SPECC1: variants seen among roughly 807,000 people sequenced by gnomAD.
SPECC1 encodes cytospin-B.
A neutral mutation model predicts 104.1 loss-of-function variants in SPECC1; 62 were observed. The observed-to-expected ratio is 0.60, with a 90% confidence interval of 0.49 to 0.74. The LOEUF is 0.74. Ranked by LOEUF, SPECC1 falls within the 30% of genes least tolerant of loss-of-function variation. The pLI, the probability that SPECC1 is intolerant of heterozygous loss-of-function variation, is 0.00. For synonymous variants in SPECC1, 513 were observed against 501.6 expected (o/e 1.02, Z -0.30); for missense variants, 1,306 against 1,310.5 (o/e 1.00, Z 0.05).
intron 1 of SPECC1, among the ~76,000 whole-genome samples, chr17:20,049,641 T>G (rs2045665128): frequency 6.6e-6 from 1 of 152,164 alleles, no homozygotes; most frequent in Non-Finnish European, 1.5e-5. Context: ...TATTTAGCTG[T>G]GTTTGTGCTA....
intron 3 of SPECC1, among the ~76,000 whole-genome samples, chr17:20,156,431 G>T (rs1028447284): frequency 6.6e-6 from 1 of 152,194 alleles, no homozygotes; most frequent in African/African-American, 2.4e-5. Flanking sequence ...ACCAGAAAAC[G>T]CTGCTCGTCC....
Position 20,205,083 on chromosome 17 carries a change from C to T in SPECC1, c.1034C>T (p.Ser345Phe). Residue 345 changes from serine to phenylalanine, a missense_variant, in exon 4 of 15, where the codon TCC becomes TTC. By Grantham distance (155) the Ser-to-Phe change is radical. Around this residue, in one of 2 missense-constraint regions of SPECC1, gnomAD observed 1,177 missense variants for 1,139.9 expected, o/e 1.03. Transcript: ENST00000395527. ...GAGACACCCTCAAGGCCCCTGTCCT[C>T]CACCAGTAACCCCTTTAAGAGTTCA... ...TAETPSRPLSSTSNPFKSSKC... is the reference protein window; with the variant it reads ...TAETPSRPLSFTSNPFKSSKC... The T allele has an allele frequency of 6.2e-7, 1 of 1,614,200 alleles. No homozygotes were observed. Among genetic ancestry groups the T allele is most frequent in the Non-Finnish European group, 8.5e-7 (1 of 1,180,032 alleles).
Position 20,185,639 on chromosome 17 carries a change from A to G in SPECC1, c.284-18694A>G, listed in dbSNP as rs1179134634. 2.6e-5 allele frequency among the ~76,000 whole-genome samples: 4 copies of G among 152,186 alleles called. No individual in the cohort carries two copies. The East Asian group carries it at 7.7e-4, about 29-fold the overall frequency. ...AGGTTATGGGGAAATTTGCTCTGAA[A>G]CAGTGGTGGCAGGAATGTAAGGGTT... On this transcript the variant is annotated intron_variant, in intron 3 of 14. Coordinates refer to ENST00000395527, the MANE Select transcript of SPECC1 (RefSeq NM_001243439.2).
intron 1 of SPECC1, among the ~76,000 whole-genome samples, chr17:20,056,866 A>AG (rs2152467343): frequency 6.6e-6 from 1 of 152,216 alleles, no homozygotes; most frequent in East Asian, 1.9e-4. Flanking sequence ...TTATATTTAT[A>AG]GGAGAGATCT....
intron 1 of SPECC1, among the ~76,000 whole-genome samples, chr17:20,034,338 C>G (rs2044966699): frequency 6.6e-6 from 1 of 152,074 alleles, no homozygotes; most frequent in African/African-American, 2.4e-5. Context: ...ACCGTGTGAT[C>G]CACCTGCCCC....
rs181992691 is a variant in SPECC1 at position 20,233,036 on chromosome 17, G to A, written c.2351+631G>A. On this transcript the variant is annotated intron_variant, in intron 7 of 14. Coordinates refer to ENST00000395527, the MANE Select transcript of SPECC1 (RefSeq NM_001243439.2). ...ACTAACAGTGACATTTAAGAGGAAG[G>A]TATTCCCAAAGTGAATGCAATGTTA... is the stretch of plus-strand genomic sequence containing the variant. Among the ~76,000 whole-genome samples the A allele has an allele frequency of 3.4e-3, 520 of 152,300 alleles. 1 individual carries two copies. Among genetic ancestry groups the A allele is most frequent in the African/African-American group, 0.012 (503 of 41,554 alleles).
intron 1 of SPECC1, among the ~76,000 whole-genome samples, chr17:20,024,357 C>T (rs932162997): frequency 3.3e-5 from 5 of 152,084 alleles, no homozygotes; most frequent in Admixed American, 1.3e-4. Context: ...TTACTCTATG[C>T]GGAATAAATT....
chr17:20,049,626 A>G (rs1485388224), intron 1 of SPECC1, among the ~76,000 whole-genome samples: 1 of 152,046 alleles, frequency 6.6e-6, no homozygotes, highest in African/African-American at 2.4e-5. Context: ...TCATTCAGCT[A>G]TGATTATTTA....
At chr17:20,295,739 G>A (rs2048997749) in intron 12 of SPECC1, among the ~76,000 whole-genome samples, 1 of 152,160 alleles carries the variant, frequency 6.6e-6, no homozygotes, top group African/African-American at 2.4e-5. Context: ...GTATCTCATT[G>A]AGGTTTTGAT....
chr17:20,288,394 AC>A (rs1567609530), intron 12 of SPECC1, among the ~76,000 whole-genome samples: 2 of 152,146 alleles, frequency 1.3e-5, no homozygotes, highest in Non-Finnish European at 2.9e-5. Context: ...AGAAAAAAAA[AC>A]AACATCCCCA....
chr17:20,204,193 G>C, intron 3 of SPECC1, 140 bp from the exon 4 acceptor site: 1 of 1,068,340 alleles, frequency 9.4e-7, no homozygotes, highest in Non-Finnish European at 1.3e-6. Context: ...AGTCAGAACT[G>C]GGTAATTAGC....
chr17:20,089,880 G>C (rs898586534), intron 1 of SPECC1, among the ~76,000 whole-genome samples: 1 of 152,170 alleles, frequency 6.6e-6, no homozygotes, highest in Admixed American at 6.5e-5. Context: ...CTGAGGTTTT[G>C]AGTCTGGAAG....
At chr17:20,157,205 G>T (rs1411308998) in intron 3 of SPECC1, among the ~76,000 whole-genome samples, 2 of 152,074 alleles carry the variant, frequency 1.3e-5, no homozygotes, top group Non-Finnish European at 2.9e-5. Context: ...ATCTCCCAGC[G>T]CCCCAGCCGC....
chr17:20,033,101 T>G (rs1005444915), intron 1 of SPECC1, among the ~76,000 whole-genome samples: 1 of 151,876 alleles, frequency 6.6e-6, no homozygotes, highest in Non-Finnish European at 1.5e-5. Context: ...GTAGCTGGGA[T>G]TACAGGCATC....
At chr17:20,187,363 G>A (rs898446724) in intron 3 of SPECC1, among the ~76,000 whole-genome samples, 1 of 152,300 alleles carries the variant, frequency 6.6e-6, no homozygotes, top group Admixed American at 6.5e-5. Flanking sequence ...CCTGGTCTCA[G>A]TGAGTCAAGG....
At chr17:20,226,845 G>C (rs2038239934) in intron 4 of SPECC1, among the ~76,000 whole-genome samples, 2 of 152,146 alleles carry the variant, frequency 1.3e-5, no homozygotes, top group African/African-American at 4.8e-5. Context: ...AAGAAGCATT[G>C]CAGCCCCAAG....
At position 20,239,492 on chromosome 17, in the gene SPECC1, A is replaced by G. The variant is rs150317046; in HGVS notation, c.2352-6434A>G. On this transcript the variant is annotated intron_variant, in intron 7 of 14. Transcript: ENST00000395527. ...CTTCCAGGTCAATACATAGAAATCT[A>G]TCTTATTTTAAGAGCAACATGACCT... 77 of 171,880 alleles carry G rather than the reference A, an allele frequency of 4.5e-4. 2 individuals carry two copies. The East Asian group carries it at 0.011, about 25-fold the overall frequency. The allele number at this position is 171,880 out of a possible 1,614,324, so 10.6% of individuals were successfully genotyped here. A position where few individuals can be genotyped will look rare whatever the true frequency, so the allele number is the denominator to read the frequency against.
intron 13 of SPECC1, among the ~76,000 whole-genome samples, chr17:20,300,501 A>AGT (rs1187535673): frequency 6.6e-6 from 1 of 152,254 alleles, no homozygotes; most frequent in Non-Finnish European, 1.5e-5. Context: ...TCCTCCTGAC[A>AGT]GTGTGTGTGC....
chr17:20,294,500 G>T (rs1294918636), intron 12 of SPECC1, among the ~76,000 whole-genome samples: 1 of 152,156 alleles, frequency 6.6e-6, no homozygotes, highest in Non-Finnish European at 1.5e-5. Flanking sequence ...TCCAGAGACA[G>T]TCTTGTAGGT....
Sources: gnomAD v4.1 joint callset for allele counts (sites outside exome capture counted in the v4.1 genomes callset) on GRCh38, gnomAD v4.1.1 for gene constraint, gnomAD v4.1.1 regional missense constraint, MANE v1.5 for transcripts, NCBI Gene and HGNC (gene_info 2026-07-23, HGNC 2026-07-21) for gene names.